TNRC6A: variants seen among roughly 807,000 people sequenced by gnomAD.
TNRC6A encodes the protein trinucleotide repeat-containing gene 6A protein.
TNRC6A carries 44 observed loss-of-function variants against 221.2 expected under a neutral mutation model. The observed-to-expected ratio is 0.20, with a 90% CI of 0.16 to 0.26. The LOEUF (loss-of-function observed/expected upper bound fraction) is 0.26, where lower values mean the gene tolerates loss of function less well. Ranked by LOEUF, TNRC6A falls within the 10% of genes least tolerant of loss-of-function variation. The pLI is 1.00. For missense variants in TNRC6A, 2,199 were observed against 2,404.4 expected (o/e 0.91, Z 1.79); for synonymous variants, 847 against 838.5 (o/e 1.01, Z -0.18).
chr16:24,816,218 A>G (rs1329287675), intron 19 of TNRC6A: 1 of 150,432 alleles, frequency 6.6e-6, no homozygotes, highest in African/African-American at 2.5e-5. Flanking sequence ...AGTCCCAGCT[A>G]CTCGGGAGGC....
rs2058063147 is a variant in TNRC6A, at chr16:24,789,999, C to A, written c.1357C>A (p.Pro453Thr). The change falls in exon 6 of 25, where the codon CCA (proline) becomes ACA (threonine). Residue 453 changes from proline (P) to threonine (T), a missense_variant. Physicochemically the swap from Pro to Thr is conservative, Grantham distance 38. Around this residue, in one of 8 missense-constraint regions of TNRC6A, gnomAD observed 1,405 missense variants for 1,400.2 expected, o/e 1.00. Coordinates refer to ENST00000395799, the MANE Select transcript of TNRC6A (RefSeq NM_014494.4). ...PQNITTEMTG[P>T]NNTTNFMTSS... ...AAATATTACCACTGAAATGACTGGA[C>A]CAAATAACACTACTAACTTTATGAC... is the stretch of plus-strand genomic sequence containing the variant. 1.2e-6 allele frequency: 2 copies of A among 1,614,048 alleles called. No individual in the cohort carries two copies. Among genetic ancestry groups the A allele is most frequent in the Admixed American group, 1.7e-5 (1 of 60,002 alleles).
intron 1 of TNRC6A, among the ~76,000 whole-genome samples, chr16:24,630,868 A>G (rs902638668): frequency 6.6e-6 from 1 of 152,160 alleles, no homozygotes; most frequent in African/African-American, 2.4e-5. Context: ...TGCCTGGGAG[A>G]GGCTGCTGCC....
At chr16:24,686,418 T>G (rs989867327) in intron 2 of TNRC6A, among the ~76,000 whole-genome samples, 1 of 152,172 alleles carries the variant, frequency 6.6e-6, no homozygotes, top group Non-Finnish European at 1.5e-5. Flanking sequence ...TCTTTCTTCC[T>G]TTCCAAGGGT....
intron 1 of TNRC6A, among the ~76,000 whole-genome samples, chr16:24,635,149 C>CTTTTT (rs1298384078): frequency 1.1e-3 from 145 of 136,616 alleles, no homozygotes; most frequent in African/African-American, 3.9e-3. Flanking sequence ...TCTTTTCTTT[C>CTTTTT]CTTCTTTCCT....
chr16:24,694,094 A>G (rs998284568), intron 2 of TNRC6A, among the ~76,000 whole-genome samples: 1 of 152,184 alleles, frequency 6.6e-6, no homozygotes, highest in Non-Finnish European at 1.5e-5. Flanking sequence ...CAAGGGGAGC[A>G]GAAGAGTCCC....
intron 5 of TNRC6A, among the ~76,000 whole-genome samples, chr16:24,787,889 G>C (rs1013907480): frequency 1.3e-5 from 2 of 152,072 alleles, no homozygotes; most frequent in African/African-American, 4.8e-5. Context: ...ACCCCTGAAG[G>C]TTGGCTCATT....
intron 1 of TNRC6A, among the ~76,000 whole-genome samples, chr16:24,613,922 A>C (rs551525404): frequency 6.6e-6 from 1 of 152,334 alleles, no homozygotes; most frequent in African/African-American, 2.4e-5. Flanking sequence ...TTTTTCTTGC[A>C]TTACAGACCA....
chr16:24,688,448 AC>A (rs1307978676), intron 2 of TNRC6A, among the ~76,000 whole-genome samples: 1 of 152,026 alleles, frequency 6.6e-6, no homozygotes, highest in Non-Finnish European at 1.5e-5. Flanking sequence ...ATTGACCCTC[AC>A]CTCCAGGGAA....
At position 24,786,300 on chromosome 16, in the gene TNRC6A, TTTG is replaced by T. The variant is rs796303366; in HGVS notation, c.590-2917_590-2915del. ...AGTTCAGAGTCCTTTTTTGTTTTTT[TTTG>T]TTGTTGTTGTTGTTTTGTTTTGTTT... On this transcript the variant is annotated intron_variant, in intron 5 of 24. Transcript: ENST00000395799. Among the ~76,000 whole-genome samples the T allele has an allele frequency of 2.6e-4, 30 of 116,998 alleles. 1 individual carries two copies. The highest frequency in any genetic ancestry group is 4.2e-4 in the African/African-American group (16 of 38,418). 76.8% of individuals were successfully genotyped at this position (116,998 alleles called of 152,430 possible). A position where few individuals can be genotyped will look rare whatever the true frequency, so the allele number is the denominator to read the frequency against.
chr16:24,666,390 A>G (rs1056081565), intron 2 of TNRC6A, among the ~76,000 whole-genome samples: 5 of 149,978 alleles, frequency 3.3e-5, no homozygotes, highest in African/African-American at 1.2e-4. Context: ...GGAGAATGGC[A>G]TGAACCCGGG....
intron 1 of TNRC6A, among the ~76,000 whole-genome samples, chr16:24,620,745 T>C (rs1900622831): frequency 6.6e-6 from 1 of 151,994 alleles, no homozygotes; most frequent in African/African-American, 2.4e-5. Context: ...GAGGCAGATG[T>C]TGCAGTGAGC....
At chr16:24,729,930 A>AGGC (rs1365760633) in intron 1 of TNRC6A, 84 bp downstream of exon 1, 10 of 1,129,122 alleles carry the variant, frequency 8.9e-6, no homozygotes, top group African/African-American at 1.7e-5. Flanking sequence ...GCGGCAGCAG[A>AGGC]GGCGGCGGCG....
At chr16:24,632,694 A>G (rs1901408910) in intron 1 of TNRC6A, among the ~76,000 whole-genome samples, 1 of 152,008 alleles carries the variant, frequency 6.6e-6, no homozygotes, top group African/African-American at 2.4e-5. Context: ...AAATCTACCA[A>G]TGAGTTGTCT....
At chr16:24,653,778 CAAAAA>C (rs11285795) in intron 2 of TNRC6A, among the ~76,000 whole-genome samples, 2 of 140,672 alleles carry the variant, frequency 1.4e-5, no homozygotes, top group Non-Finnish European at 3.1e-5. Flanking sequence ...GAGACTCTAT[CAAAAA>C]AAAAAAAAAG....
intron 2 of TNRC6A, among the ~76,000 whole-genome samples, chr16:24,660,746 T>TC (rs1411026748): frequency 7.3e-6 from 1 of 136,264 alleles, no homozygotes; most frequent in African/African-American, 2.8e-5. Context: ...TTTCTTTTTT[T>TC]TTTTTTTTTT....
At chr16:24,777,485 C>A in intron 5 of TNRC6A, 127 bp downstream of exon 5, 1 of 853,406 alleles carries the variant, frequency 1.2e-6, no homozygotes, top group Non-Finnish European at 1.8e-6. Flanking sequence ...TGTAAGAGTT[C>A]TTTATAGGGA....
intron 2 of TNRC6A, among the ~76,000 whole-genome samples, chr16:24,735,463 A>G (rs1222868678): frequency 2.0e-5 from 3 of 152,248 alleles, no homozygotes; most frequent in Non-Finnish European, 1.5e-5. Flanking sequence ...CAACACATGC[A>G]TATTGCTATA....
rs2058042478 is a variant in TNRC6A at position 24,789,279 on chromosome 16, G to A, written c.637G>A (p.Gly213Arg). The change falls in exon 6 of 25, where the codon GGA becomes AGA. Residue 213 changes from glycine to arginine, a missense_variant. Gly to Arg is a moderately radical substitution (Grantham distance 125). Around this residue, in one of 8 missense-constraint regions of TNRC6A, gnomAD observed 1,405 missense variants for 1,400.2 expected, o/e 1.00. Transcript: ENST00000395799. ...SGSHYENSQR[G>R]PVSSTSDSST... ...ATCCCATTATGAAAATTCCCAGCGG[G>A]GACCTGTGTCTTCTACAAGTGATTC... 4 of 1,612,494 alleles carry A rather than the reference G, an allele frequency of 2.5e-6. No individual in the cohort carries two copies. The East Asian group carries it at 6.7e-5, about 27-fold the overall frequency.
intron 2 of TNRC6A, among the ~76,000 whole-genome samples, chr16:24,732,997 G>C (rs1054600266): frequency 2.0e-5 from 3 of 152,146 alleles, no homozygotes; most frequent in Non-Finnish European, 4.4e-5. Flanking sequence ...CAGGTGGATT[G>C]CTTGAGGTCA....
Sources: gnomAD v4.1 joint callset for allele counts (sites outside exome capture counted in the v4.1 genomes callset) on GRCh38, gnomAD v4.1.1 for gene constraint, gnomAD v4.1.1 regional missense constraint, MANE v1.5 for transcripts, NCBI Gene and HGNC (gene_info 2026-07-23, HGNC 2026-07-21) for gene names.